The following RAB44 variants were observed in gnomAD, a reference collection of about 807,000 sequenced individuals.
RAB44 encodes ras-related protein Rab-44.
Under a neutral mutation model 93.3 loss-of-function variants are expected in RAB44, and 67 were observed. The observed-to-expected ratio is 0.72, with a 90% CI of 0.59 to 0.88. The LOEUF (loss-of-function observed/expected upper bound fraction) is 0.88. RAB44 is among the 40% of genes least tolerant of loss of function. The probability of loss-of-function intolerance (pLI) is 0.00; values close to 1 mark genes in which losing one functional copy is unlikely to be tolerated. For synonymous variants in RAB44, 427 were observed against 520.3 expected (o/e 0.82, Z 2.44); for missense variants, 1,064 against 1,261.7 (o/e 0.84, Z 2.37).
chr6:36,706,730 A>AT (rs76091211), intron 2 of RAB44, among the ~76,000 whole-genome samples: 16,408 of 145,954 alleles, frequency 0.11, 2,137 homozygotes, highest in African/African-American at 0.32. Context: ...TGTAAAAGTA[A>AT]TTTTTTTTTT....
In RAB44 at chr6:36,718,555, C is replaced by T. The variant is rs183633375; in HGVS notation, c.795C>T (p.Arg265=). 52 of 1,234,194 alleles carry T rather than the reference C, an allele frequency of 4.2e-5. No homozygotes were observed. The Middle Eastern group carries it at 8.4e-4, about 20-fold the overall frequency. 76.5% of individuals were successfully genotyped at this position (1,234,194 alleles called of 1,614,324 possible). A position where few individuals can be genotyped will look rare whatever the true frequency, so the allele number is the denominator to read the frequency against. Reference sequence around the variant, plus strand: ...AGGACGTCCTAGAGGCCAAGGAGCGCGAGGTGCAGCGACTAGCTGAGGGCC... The same window carrying T: ...AGGACGTCCTAGAGGCCAAGGAGCGTGAGGTGCAGCGACTAGCTGAGGGCC... The part of the protein sequence containing the change: ...QMQDVLEAKE[R]EVQRLAEGQR... Residue 265 remains arginine (R), a synonymous_variant, in exon 7 of 14, where the codon CGC becomes CGT. Transcript: ENST00000612677.
rs899292379 is a variant in RAB44 at position 36,722,175 on chromosome 6, C to G, written c.2041C>G (p.Gln681Glu). 29 of 1,237,536 alleles carry G rather than the reference C, an allele frequency of 2.3e-5. No homozygotes were observed. The African/African-American group carries it at 3.6e-4, about 15-fold the overall frequency. 76.7% of individuals were successfully genotyped at this position (1,237,536 alleles called of 1,614,324 possible). A position where few individuals can be genotyped will look rare whatever the true frequency, so the allele number is the denominator to read the frequency against. Reference protein sequence around the residue: ...EEEPRSEEGKQEGRGGQDLSS... With the variant: ...EEEPRSEEGKEEGRGGQDLSS... Reference sequence around the variant, plus strand: ...GGAACCCAGGTCTGAGGAAGGAAAACAAGAGGGCAGAGGTGGGCAGGACCT... The same window carrying G: ...GGAACCCAGGTCTGAGGAAGGAAAAGAAGAGGGCAGAGGTGGGCAGGACCT... The change falls in exon 9 of 14, where the codon CAA becomes GAA. Residue 681 changes from glutamine to glutamate, a missense_variant. Coordinates refer to ENST00000612677, the MANE Select transcript of RAB44 (RefSeq NM_001257357.2).
rs1763389737 is a variant in RAB44, at chr6:36,732,729, A to C, written c.*636A>C. The C allele has an allele frequency of 6.6e-6, 1 of 152,120 alleles. No individual in the cohort carries two copies. Among genetic ancestry groups the C allele is most frequent in the Admixed American group, 6.5e-5 (1 of 15,278 alleles). The allele number at this position is 152,120 out of a possible 1,614,324, so 9.4% of individuals were successfully genotyped here. On this transcript the variant is annotated 3_prime_UTR_variant, in exon 14 of 14. Transcript: ENST00000612677. ...GGTTCCTGGGAAGAGTAATGTTCCAAAGGCCTCTGATATGCCTCGATGCCC... is the reference window on the plus strand; with the variant it reads ...GGTTCCTGGGAAGAGTAATGTTCCACAGGCCTCTGATATGCCTCGATGCCC...
chr6:36,701,971 A>G lies in RAB44; in HGVS notation c.-12-2253A>G, dbSNP rs543028946. 1.5e-4 allele frequency among the ~76,000 whole-genome samples: 23 copies of G among 152,258 alleles called. 1 individual carries two copies. In the East Asian group the frequency reaches 1.5e-3, roughly 10 times the overall value. Reference sequence around the variant, plus strand: ...CATATGGATTGCAGCGGGCCTGCTTAGCACTGTACCGGCATTCAGTTGGCG... The same window carrying G: ...CATATGGATTGCAGCGGGCCTGCTTGGCACTGTACCGGCATTCAGTTGGCG... On this transcript the variant is annotated intron_variant, in intron 1 of 13. Coordinates refer to ENST00000612677, the MANE Select transcript of RAB44 (RefSeq NM_001257357.2).
intron 2 of RAB44, among the ~76,000 whole-genome samples, chr6:36,713,217 C>T (rs1026971577): frequency 6.6e-6 from 1 of 152,098 alleles, no homozygotes; most frequent in Non-Finnish European, 1.5e-5. Flanking sequence ...TTTTTTGAAA[C>T]GGAGTTTCAC....
rs1762948857 is a variant in RAB44, at chr6:36,717,410, C to G, written c.632C>G (p.Thr211Ser). The G allele has an allele frequency of 8.1e-7, 1 of 1,232,106 alleles. No individual in the cohort carries two copies. The highest frequency in any genetic ancestry group is 4.1e-5 in the South Asian group (1 of 24,328). 76.3% of individuals were successfully genotyped at this position (1,232,106 alleles called of 1,614,324 possible). A position where few individuals can be genotyped will look rare whatever the true frequency, so the allele number is the denominator to read the frequency against. Residue 211 changes from threonine to serine, a missense_variant, in exon 5 of 14, where the codon ACC becomes AGC. Physicochemically the swap from Thr to Ser is moderately conservative, Grantham distance 58 (BLOSUM62 1). Coordinates refer to ENST00000612677, the MANE Select transcript of RAB44 (RefSeq NM_001257357.2). This position sits in a 1 kb window ranked among gnomAD's most constrained non-coding sequence, Gnocchi z 4.1. ...GCGGACAAGGAGGCCCTGGAGCTGA[C>G]CCTGAGGAAGTGAGTGGGGGGCCTG... ...AQADKEALEL[T>S]LRKRDSDHHR...
chr6:36,721,020 A>T (rs1187695940), intron 8 of RAB44, 131 bp from the exon 9 acceptor site: 4 of 835,066 alleles, frequency 4.8e-6, no homozygotes, highest in Non-Finnish European at 6.4e-6. Context: ...GGTGAGAAAG[A>T]TTGCCTGAGC....
Position 36,722,506 on chromosome 6 carries a change from A to G in RAB44, c.2372A>G (p.His791Arg), listed in dbSNP as rs566180074. The G allele has an allele frequency of 3.1e-3, 4,708 of 1,502,830 alleles. 12 individuals are homozygous for G. Among genetic ancestry groups the G allele is most frequent in the Middle Eastern group, 7.8e-3 (45 of 5,740 alleles). 93.1% of individuals were successfully genotyped at this position (1,502,830 alleles called of 1,614,324 possible). A position where few individuals can be genotyped will look rare whatever the true frequency, so the allele number is the denominator to read the frequency against. The change falls in exon 9 of 14, where the codon CAC becomes CGC. Residue 791 changes from histidine (H) to arginine (R), a missense_variant. Coordinates refer to ENST00000612677, the MANE Select transcript of RAB44 (RefSeq NM_001257357.2). ...CACGCAGAAGAACAAGGCCCGCCTCACTCCAGGGAACCAAGGGCAGAGAGC... is the reference window on the plus strand; with the variant it reads ...CACGCAGAAGAACAAGGCCCGCCTCGCTCCAGGGAACCAAGGGCAGAGAGC... ...TAHAEEQGPPHSREPRAESRL... is the reference protein window; with the variant it reads ...TAHAEEQGPPRSREPRAESRL...
intron 2 of RAB44, among the ~76,000 whole-genome samples, chr6:36,709,463 T>C (rs1762728617): frequency 6.6e-6 from 1 of 152,242 alleles, no homozygotes; most frequent in South Asian, 2.1e-4. Context: ...CACACAACAG[T>C]GCATCCCATT....
intron 4 of RAB44, among the ~76,000 whole-genome samples, chr6:36,716,203 C>A (rs1233195487): frequency 6.6e-6 from 1 of 152,200 alleles, no homozygotes; most frequent in Non-Finnish European, 1.5e-5. Context: ...GGCACGGTGG[C>A]TCATGCCTGT....
chr6:36,715,599 AG>A lies in RAB44; in HGVS notation c.442del (p.Glu148ArgfsTer47), dbSNP rs770965673. ...CTGGAGGAGGCGGATGCTGAGGAGA[AG>A]GAGGCGTTCCTTGCCTTCATGGAGC... is the stretch of plus-strand genomic sequence containing the variant. ...PALEEADAEEKEAFLAFMEQL... is the reference protein window; with the variant it reads ...PALEEADAEEXEAFLAFMEQL... On this transcript the variant is annotated frameshift_variant, in exon 4 of 14. Transcript: ENST00000612677. LOFTEE classifies it high-confidence loss of function. 15 of 1,536,102 alleles carry A rather than the reference AG, an allele frequency of 9.8e-6. No individual in the cohort carries two copies.
intron 9 of RAB44, among the ~76,000 whole-genome samples, chr6:36,724,167 ATTTATTT>A (rs1763175754): frequency 6.6e-6 from 1 of 150,708 alleles, no homozygotes; most frequent in African/African-American, 2.4e-5. Flanking sequence ...TTATTTATTT[ATTTATTT>A]ATTTATTTTT....
At chr6:36,729,290 G>A (rs1763306768) in intron 12 of RAB44, among the ~76,000 whole-genome samples, 1 of 152,084 alleles carries the variant, frequency 6.6e-6, no homozygotes, top group Non-Finnish European at 1.5e-5. Flanking sequence ...TTCATGAATG[G>A]CATTTAACCA....
At chr6:36,722,782 C>A in intron 9 of RAB44, 49 bp downstream of exon 9, 1 of 1,545,786 alleles carries the variant, frequency 6.5e-7, no homozygotes, top group Non-Finnish European at 8.7e-7. Flanking sequence ...ACGCAGGGGC[C>A]AGGGCCAACG....
intron 12 of RAB44, 101 bp from the exon 13 acceptor site, chr6:36,730,572 G>A: frequency 1.6e-6 from 1 of 627,674 alleles, no homozygotes; most frequent in Non-Finnish European, 2.3e-6. Context: ...GCTTAGGGAT[G>A]CATTGGGACT....
Position 36,722,157 on chromosome 6 carries a change from A to G in RAB44, c.2023A>G (p.Arg675Gly). The stretch of plus-strand genomic sequence containing the variant: ...CCACCAGGAGCTGGAAGAGGAACCC[A>G]GGTCTGAGGAAGGAAAACAAGAGGG... Reference protein sequence around the residue: ...FPHQELEEEPRSEEGKQEGRG... With the variant: ...FPHQELEEEPGSEEGKQEGRG... Residue 675 changes from arginine to glycine, a missense_variant, in exon 9 of 14, where the codon AGG (arginine) becomes GGG (glycine). Coordinates refer to ENST00000612677, the MANE Select transcript of RAB44 (RefSeq NM_001257357.2). 6.5e-6 allele frequency: 8 copies of G among 1,237,056 alleles called. No individual in the cohort carries two copies. The highest frequency in any genetic ancestry group is 8.1e-6 in the Non-Finnish European group (8 of 990,024). 76.6% of individuals were successfully genotyped at this position (1,237,056 alleles called of 1,614,324 possible). A position where few individuals can be genotyped will look rare whatever the true frequency, so the allele number is the denominator to read the frequency against.
chr6:36,707,541 A>G lies in RAB44; in HGVS notation c.207+3099A>G, dbSNP rs571436955. 1.9e-3 allele frequency among the ~76,000 whole-genome samples: 282 copies of G among 151,226 alleles called. 1 individual carries two copies. Among genetic ancestry groups the G allele is most frequent in the African/African-American group, 6.6e-3 (275 of 41,522 alleles). ...TTCAATCAACACCATGTAATCAATTATTGTTCTGCCGGATCTTGGGTAAGC... is the reference window on the plus strand; with the variant it reads ...TTCAATCAACACCATGTAATCAATTGTTGTTCTGCCGGATCTTGGGTAAGC... On this transcript the variant is annotated intron_variant, in intron 2 of 13. Transcript: ENST00000612677.
At chr6:36,719,004 T>A (rs1364192615) in intron 7 of RAB44, among the ~76,000 whole-genome samples, 1 of 151,838 alleles carries the variant, frequency 6.6e-6, no homozygotes, top group Non-Finnish European at 1.5e-5. Context: ...TCAGTTCACC[T>A]CAGGAGAATG....
Position 36,708,503 on chromosome 6 carries a change from G to A in RAB44, c.207+4061G>A, listed in dbSNP as rs545199604. 5.3e-5 allele frequency among the ~76,000 whole-genome samples: 8 copies of A among 152,022 alleles called. No homozygotes were observed. The South Asian group carries it at 8.3e-4, about 16-fold the overall frequency. On this transcript the variant is annotated intron_variant, in intron 2 of 13. Coordinates refer to ENST00000612677, the MANE Select transcript of RAB44 (RefSeq NM_001257357.2). Reference sequence around the variant, plus strand: ...CTTGGGAAGGCAAAATCAAAAGAACGGTTAGAGAAGATTTAGGCACTAGAT... The same window carrying A: ...CTTGGGAAGGCAAAATCAAAAGAACAGTTAGAGAAGATTTAGGCACTAGAT...
Sources: allele counts gnomAD v4.1 joint callset (sites outside exome capture counted in the v4.1 genomes callset), GRCh38; gene constraint gnomAD v4.1.1; non-coding constraint Gnocchi (gnomAD v3.1); transcripts MANE v1.5; gene names NCBI Gene and HGNC (gene_info 2026-07-23, HGNC 2026-07-21).